Variants in PARM1 observed in about 807,000 individuals in gnomAD.
The protein encoded by PARM1 is prostate androgen-regulated mucin-like protein 1.
Under a neutral mutation model 24.6 loss-of-function variants are expected in PARM1, and 14 were observed. The observed-to-expected ratio is 0.57, with a 90% CI of 0.38 to 0.89. The LOEUF (loss-of-function observed/expected upper bound fraction) is 0.89, where lower values mean the gene tolerates loss of function less well. Among genes scored for constraint, PARM1 ranks in the 40% least tolerant of loss-of-function variants. PARM1 has a pLI of 0.00. For missense variants in PARM1, 362 were observed against 380.4 expected, an observed-to-expected ratio of 0.95 and a Z score of 0.40; for synonymous variants, 179 against 156.6, an observed-to-expected ratio of 1.14 and a Z score of -1.07.
chr4:75,035,856 A>C (rs1192093449), intron 3 of PARM1, among the ~76,000 whole-genome samples: 2 of 152,234 alleles, frequency 1.3e-5, no homozygotes, highest in African/African-American at 4.8e-5. Context: ...AGATTTAAAA[A>C]AAATATTTCT....
At chr4:74,981,215 T>C (rs1043078493) in intron 1 of PARM1, among the ~76,000 whole-genome samples, 2 of 152,200 alleles carry the variant, frequency 1.3e-5, no homozygotes, top group Non-Finnish European at 2.9e-5. Flanking sequence ...TCTATCCATC[T>C]GACAAAGGTC....
rs1425312197 is a variant in PARM1 at position 74,933,352 on chromosome 4, C to T, written c.25C>T (p.Leu9Phe). ...CATGGTCTACAAGACTCTCTTCGCT[C>T]TTTGCATCTTAACTGCAGGTAATTG... MVYKTLFA[L>F]CILTAGWRVQ... Residue 9 changes from leucine (L) to phenylalanine (F), a missense_variant, in exon 1 of 4, where the codon CTT becomes TTT. Transcript: ENST00000307428. 5 of 1,612,912 alleles carry T rather than the reference C, an allele frequency of 3.1e-6. No individual in the cohort carries two copies. The highest frequency in any genetic ancestry group is 4.5e-5 in the East Asian group (2 of 44,820).
intron 1 of PARM1, among the ~76,000 whole-genome samples, chr4:75,003,530 G>A (rs1185904663): frequency 6.6e-6 from 1 of 152,092 alleles, no homozygotes; most frequent in Non-Finnish European, 1.5e-5. Flanking sequence ...CCTCTTTTTG[G>A]ATTGAATTAT....
intron 1 of PARM1, among the ~76,000 whole-genome samples, chr4:75,008,585 A>G (rs1722813852): frequency 6.6e-6 from 1 of 152,316 alleles, no homozygotes; most frequent in South Asian, 2.1e-4. Flanking sequence ...ACTTTTCTAA[A>G]TGTCATTCGA....
At chr4:75,011,469 T>G (rs551339140) in intron 1 of PARM1, among the ~76,000 whole-genome samples, 1 of 151,770 alleles carries the variant, frequency 6.6e-6, no homozygotes, top group African/African-American at 2.4e-5. Flanking sequence ...GAAATACTAG[T>G]CAGGGAATGA....
At chr4:74,936,515 G>A (rs113588652) in intron 1 of PARM1, among the ~76,000 whole-genome samples, 10,889 of 150,116 alleles carry the variant, frequency 0.073, 450 homozygotes, top group Non-Finnish European at 0.088. Flanking sequence ...GTGCAGTGGC[G>A]CGATCTCAGC....
intron 1 of PARM1, among the ~76,000 whole-genome samples, chr4:74,992,607 A>C (rs1016849302): frequency 1.3e-5 from 2 of 152,188 alleles, no homozygotes; most frequent in Non-Finnish European, 2.9e-5. Flanking sequence ...AGGGAAAATA[A>C]AACCACAATT....
intron 2 of PARM1, among the ~76,000 whole-genome samples, chr4:75,028,555 C>T (rs1723222086): frequency 6.6e-6 from 1 of 152,216 alleles, no homozygotes; most frequent in South Asian, 2.1e-4. Flanking sequence ...GTTAAAGACT[C>T]TTCTCAAAAT....
chr4:74,998,026 T>C (rs1722608239), intron 1 of PARM1, among the ~76,000 whole-genome samples: 1 of 152,220 alleles, frequency 6.6e-6, no homozygotes, highest in African/African-American at 2.4e-5. Flanking sequence ...TTGATGTGTT[T>C]AATAGCATCT....
chr4:75,000,372 T>C (rs1452666749), intron 1 of PARM1, among the ~76,000 whole-genome samples: 1 of 152,196 alleles, frequency 6.6e-6, no homozygotes, highest in African/African-American at 2.4e-5. Context: ...AGTGTTTATT[T>C]AACAGGAAGT....
At chr4:74,992,312 G>A (rs909617022) in intron 1 of PARM1, among the ~76,000 whole-genome samples, 13 of 152,038 alleles carry the variant, frequency 8.6e-5, no homozygotes, top group South Asian at 2.1e-4. Flanking sequence ...AAAATAAAAC[G>A]AAGAAAATAA....
intron 2 of PARM1, among the ~76,000 whole-genome samples, chr4:75,022,723 C>T (rs1415845221): frequency 1.3e-5 from 2 of 152,170 alleles, no homozygotes; most frequent in African/African-American, 2.4e-5. Context: ...TGCTTGATTC[C>T]ATACCCTGAC....
intron 3 of PARM1, among the ~76,000 whole-genome samples, chr4:75,045,236 G>A (rs1252390203): frequency 6.6e-6 from 1 of 152,196 alleles, no homozygotes; most frequent in Non-Finnish European, 1.5e-5. Context: ...AAGGAGACCA[G>A]TATGGTTATA....
Position 75,008,870 on chromosome 4 carries a change from T to G in PARM1, c.44-3555T>G, listed in dbSNP as rs968774354. ...ACTCGACTAACAGACTGAGGCTCTCTCTACCTCCATCTGCCTATCTATTAC... is the reference window on the plus strand; with the variant it reads ...ACTCGACTAACAGACTGAGGCTCTCGCTACCTCCATCTGCCTATCTATTAC... On this transcript the variant is annotated intron_variant, in intron 1 of 3. Coordinates refer to ENST00000307428, the MANE Select transcript of PARM1 (RefSeq NM_015393.4). 2.0e-5 allele frequency among the ~76,000 whole-genome samples: 3 copies of G among 152,310 alleles called. No homozygotes were observed. The East Asian group carries it at 5.8e-4, about 29-fold the overall frequency.
intron 2 of PARM1, among the ~76,000 whole-genome samples, chr4:75,018,940 C>T (rs1179930108): frequency 6.6e-6 from 1 of 152,208 alleles, no homozygotes; most frequent in Non-Finnish European, 1.5e-5. Flanking sequence ...TGGGGAAGAA[C>T]TGATGGGCTT....
intron 2 of PARM1, among the ~76,000 whole-genome samples, chr4:75,027,350 G>A (rs1000798485): frequency 5.3e-5 from 8 of 152,088 alleles, no homozygotes; most frequent in Non-Finnish European, 1.0e-4. Flanking sequence ...TTGTAGGGTG[G>A]ATTTGGGGTA....
In PARM1 at chr4:75,012,461, T is replaced by A. The variant is rs755647341; in HGVS notation, c.80T>A (p.Leu27Ter). Reference sequence around the variant, plus strand: ...CAGAGTCTGCCTACATCAGCTCCTTTGTCTGTTTCTCTTCCGACAAACATT... The same window carrying A: ...CAGAGTCTGCCTACATCAGCTCCTTAGTCTGTTTCTCTTCCGACAAACATT... ...RVQSLPTSAP[L>*]SVSLPTNIVP... Residue 27 changes from leucine (L) to a stop codon, truncating the protein, a stop_gained, in exon 2 of 4, where the codon TTG becomes TAG. Coordinates refer to ENST00000307428, the MANE Select transcript of PARM1 (RefSeq NM_015393.4). LOFTEE classifies it high-confidence loss of function. 1 of 1,613,964 alleles carries A rather than the reference T, an allele frequency of 6.2e-7. No individual in the cohort carries two copies. The highest frequency in any genetic ancestry group is 8.5e-7 in the Non-Finnish European group (1 of 1,179,868).
At chr4:75,013,937 C>T (rs1264234370) in intron 2 of PARM1, among the ~76,000 whole-genome samples, 1 of 152,138 alleles carries the variant, frequency 6.6e-6, no homozygotes, top group South Asian at 2.1e-4. Flanking sequence ...ATTTAGGGTA[C>T]TGGGCAGGAA....
chr4:74,933,267 T>C lies in PARM1; in HGVS notation c.-61T>C. On this transcript the variant is annotated 5_prime_UTR_variant, in exon 1 of 4. Transcript: ENST00000307428. ...GAGTCGCTACCAGCGCCCAGTGCGC[T>C]CTGTCAGTCCGCAAACTCCTTGCCG... is the stretch of plus-strand genomic sequence containing the variant. The C allele has an allele frequency of 3.4e-6, 5 of 1,478,956 alleles. No homozygotes were observed. In the Admixed American group the frequency reaches 8.6e-5, roughly 25 times the overall value. 91.6% of individuals were successfully genotyped at this position (1,478,956 alleles called of 1,614,324 possible).
Sources: allele counts gnomAD v4.1 joint callset (sites outside exome capture counted in the v4.1 genomes callset), GRCh38; gene constraint gnomAD v4.1.1; transcripts MANE v1.5; gene names NCBI Gene and HGNC (gene_info 2026-07-23, HGNC 2026-07-21).